ATXN2L: variants seen among roughly 807,000 people sequenced by gnomAD.
ATXN2L encodes ataxin 2 like.
In ATXN2L, 24 loss-of-function variants were observed where a neutral mutation model predicts 120.7. The observed-to-expected ratio is 0.20, with a 90% confidence interval of 0.14 to 0.28. The LOEUF (loss-of-function observed/expected upper bound fraction) is 0.28, where lower values mean the gene tolerates loss of function less well. Among genes scored for constraint, ATXN2L ranks in the 10% least tolerant of loss-of-function variants. The pLI, the probability that ATXN2L is intolerant of heterozygous loss-of-function variation, is 1.00. For synonymous variants in ATXN2L, 653 were observed against 568.1 expected (o/e 1.15, Z -2.13); for missense variants, 1,312 against 1,432.3 (o/e 0.92, Z 1.36).
At chr16:28,829,777 G>T in intron 7 of ATXN2L, 81 bp from the exon 8 acceptor site, 1 of 1,438,188 alleles carries the variant, frequency 7.0e-7, no homozygotes, top group Non-Finnish European at 9.8e-7. Context: ...ACTGGTGATT[G>T]GACTTGTTGA....
intron 1 of ATXN2L, chr16:28,824,147 C>T (rs1023577434): frequency 4.7e-5 from 48 of 1,023,958 alleles, no homozygotes; most frequent in Admixed American, 1.2e-4. Context: ...CGCCCCCTTC[C>T]CGTACGTGCG....
chr16:28,826,754 T>A (rs757815732), intron 5 of ATXN2L, 108 bp from the exon 6 acceptor site: 26 of 1,346,588 alleles, frequency 1.9e-5, no homozygotes, highest in Non-Finnish European at 1.8e-5. Flanking sequence ...TACTCTGGAC[T>A]TCTTAAACTT....
chr16:28,834,489 T>G lies in ATXN2L; in HGVS notation c.2246-17T>G. On this transcript the variant is annotated splice_polypyrimidine_tract_variant and intron_variant, in intron 17 of 21. Transcript: ENST00000336783. ...GGCAGGTGGAGCTTGAGCTCTCCTC[T>G]CCTCCTCCTCTTCCAGGCTCCCTTC... 6.2e-7 allele frequency: 1 copy of G among 1,612,052 alleles called. No homozygotes were observed. Among genetic ancestry groups the G allele is most frequent in the Non-Finnish European group, 8.5e-7 (1 of 1,179,258 alleles).
At chr16:28,828,609 G>T (rs62036624) in intron 6 of ATXN2L, among the ~76,000 whole-genome samples, 51,657 of 150,918 alleles carry the variant, frequency 0.34, 9,477 homozygotes, top group Admixed American at 0.41. Flanking sequence ...AAAAAAAATT[G>T]CAGTTATTAA....
rs1168911497 is a variant in ATXN2L at position 28,836,959 on chromosome 16, C to G, written c.*694C>G. 1 of 707,038 alleles carries G rather than the reference C, an allele frequency of 1.4e-6. No individual in the cohort carries two copies. The highest frequency in any genetic ancestry group is 2.3e-5 in the Admixed American group (1 of 43,080). 43.8% of individuals were successfully genotyped at this position (707,038 alleles called of 1,614,324 possible). ...CACAGAGGGCAGGGCCAGGGTCCAG[C>G]AGGGGTGGGGGGTTCCTGCTCTGCC... On this transcript the variant is annotated 3_prime_UTR_variant, in exon 22 of 22. Coordinates refer to ENST00000336783, the MANE Select transcript of ATXN2L (RefSeq NM_007245.4).
chr16:28,836,991 C>A lies in ATXN2L; in HGVS notation c.*726C>A. 1.5e-6 allele frequency: 1 copy of A among 662,308 alleles called. No homozygotes were observed. The highest frequency in any genetic ancestry group is 1.6e-5 in the South Asian group (1 of 62,056). The allele number at this position is 662,308 out of a possible 1,614,324, so 41.0% of individuals were successfully genotyped here. On this transcript the variant is annotated 3_prime_UTR_variant, in exon 22 of 22. Transcript: ENST00000336783. ...GGGGGGTTCCTGCTCTGCCCCTGCC[C>A]GTCCCCACCCAGTCTTGCCCTCCCA...
chr16:28,831,234 G>T (rs549765094), intron 10 of ATXN2L, among the ~76,000 whole-genome samples, 162 bp downstream of exon 10: 27 of 151,662 alleles, frequency 1.8e-4, no homozygotes, highest in Non-Finnish European at 3.1e-4. Context: ...GATTTCCCTA[G>T]TGCAGAAATC....
chr16:28,834,083 C>G lies in ATXN2L; in HGVS notation c.2044C>G (p.Pro682Ala). The G allele has an allele frequency of 6.2e-7, 1 of 1,613,836 alleles. No homozygotes were observed. Among genetic ancestry groups the G allele is most frequent in the South Asian group, 1.1e-5 (1 of 91,036 alleles). ...LLSVNKSTST[P>A]TSPGPRTHST... ...TTTGCAGAATAAATCCACCAGTACC[C>G]CAACTTCTCCGGGGCCCCGGACTCA... The change falls in exon 16 of 22, where the codon CCA becomes GCA. Residue 682 changes from proline to alanine, a missense_variant. Coordinates refer to ENST00000336783, the MANE Select transcript of ATXN2L (RefSeq NM_007245.4).
At chr16:28,835,816 GA>G (rs1960371363) in intron 21 of ATXN2L, 58 bp downstream of exon 21, 4 of 1,605,550 alleles carry the variant, frequency 2.5e-6, no homozygotes, top group Non-Finnish European at 2.6e-6. Context: ...CTGCCATGGG[GA>G]CCATCCCATT....
In ATXN2L at chr16:28,834,527, C is replaced by G. The variant is rs1359651710; in HGVS notation, c.2267C>G (p.Ser756Trp). 2 of 1,610,490 alleles carry G rather than the reference C, an allele frequency of 1.2e-6. No individual in the cohort carries two copies. The highest frequency in any genetic ancestry group is 1.1e-5 in the South Asian group (1 of 90,960). Residue 756 changes from serine to tryptophan, a missense_variant, in exon 18 of 22, where the codon TCG (serine) becomes TGG (tryptophan). By Grantham distance (177) the Ser-to-Trp change is radical. Transcript: ENST00000336783. ...GAKGSLPPQR[S>W]DQHQPASAPP... ...CCAGGCTCCCTTCCTCCGCAGCGCTCGGACCAACACCAGCCAGCCTCAGCC... is the reference window on the plus strand; with the variant it reads ...CCAGGCTCCCTTCCTCCGCAGCGCTGGGACCAACACCAGCCAGCCTCAGCC...
At position 28,836,966 on chromosome 16, in the gene ATXN2L, G is replaced by T. The variant is rs755909795; in HGVS notation, c.*701G>T. 3.9e-5 allele frequency: 27 copies of T among 687,226 alleles called. No individual in the cohort carries two copies. The highest frequency in any genetic ancestry group is 6.6e-5 in the Non-Finnish European group (26 of 392,468). The allele number at this position is 687,226 out of a possible 1,614,324, so 42.6% of individuals were successfully genotyped here. On this transcript the variant is annotated 3_prime_UTR_variant, in exon 22 of 22. Coordinates refer to ENST00000336783, the MANE Select transcript of ATXN2L (RefSeq NM_007245.4). Reference sequence around the variant, plus strand: ...GGCAGGGCCAGGGTCCAGCAGGGGTGGGGGGTTCCTGCTCTGCCCCTGCCC... The same window carrying T: ...GGCAGGGCCAGGGTCCAGCAGGGGTTGGGGGTTCCTGCTCTGCCCCTGCCC...
rs2053539382 is a variant in ATXN2L at position 28,829,397 on chromosome 16, C to T, written c.742-4C>T. The stretch of plus-strand genomic sequence containing the variant: ...GTTTTAAAACCACCTTCCTCCCTCC[C>T]CAGTCCAATGGATGGGACCCCAATG... On this transcript the variant is annotated splice_polypyrimidine_tract_variant and splice_region_variant and intron_variant, in intron 6 of 21. Transcript: ENST00000336783. 2 of 1,606,584 alleles carry T rather than the reference C, an allele frequency of 1.2e-6. No individual in the cohort carries two copies. The highest frequency in any genetic ancestry group is 2.7e-5 in the African/African-American group (2 of 74,742).
At chr16:28,829,022 C>T (rs780633519) in intron 6 of ATXN2L, among the ~76,000 whole-genome samples, 2 of 152,156 alleles carry the variant, frequency 1.3e-5, no homozygotes, top group East Asian at 3.8e-4. Flanking sequence ...TGAGCCACCA[C>T]GCCCAGCTAG....
At chr16:28,834,940 G>C in intron 18 of ATXN2L, 118 bp from the exon 19 acceptor site, 1 of 1,375,216 alleles carries the variant, frequency 7.3e-7, no homozygotes, top group South Asian at 1.4e-5. Flanking sequence ...CGTTATGAAT[G>C]TTGAATCAAT....
intron 5 of ATXN2L, 52 bp from the exon 6 acceptor site, chr16:28,826,810 A>G (rs1345532598): frequency 4.0e-6 from 6 of 1,490,180 alleles, no homozygotes; most frequent in Non-Finnish European, 5.4e-6. Flanking sequence ...GATATTGGAA[A>G]GAAGTCTGTG....
In ATXN2L at chr16:28,826,893, C is replaced by T; in HGVS notation, c.648C>T (p.Asn216=). 2 of 1,597,532 alleles carry T rather than the reference C, an allele frequency of 1.3e-6. No homozygotes were observed. Among genetic ancestry groups the T allele is most frequent in the Non-Finnish European group, 1.7e-6 (2 of 1,169,382 alleles). The stretch of plus-strand genomic sequence containing the variant: ...TCACCGATTCAGCCATTGCCATGAA[C>T]TCGAAAGTGAATGGGGAACACAAAG... ...DKFTDSAIAM[N]SKVNGEHKEK... is the part of the protein sequence containing the mutation. Residue 216 remains asparagine, a synonymous_variant, in exon 6 of 22, where the codon AAC becomes AAT. Transcript: ENST00000336783.
chr16:28,835,883 T>C, intron 21 of ATXN2L, 50 bp from the exon 22 acceptor site: 2 of 1,565,914 alleles, frequency 1.3e-6, no homozygotes, highest in Non-Finnish European at 1.7e-6. Flanking sequence ...GCTCTCAGAG[T>C]CTGTTTCAGG....
Position 28,833,041 on chromosome 16 carries a change from T to G in ATXN2L, c.1660-18T>G. On this transcript the variant is annotated intron_variant, in intron 13 of 21. Transcript: ENST00000336783. ...AGGGTCTGGGTCAGACTGGACTGTG[T>G]GTGTTTCTCTCTTCCAGCTTCAGCC... 1.9e-6 allele frequency: 3 copies of G among 1,611,812 alleles called. No homozygotes were observed. In the South Asian group the frequency reaches 3.3e-5, roughly 18 times the overall value.
At position 28,823,493 on chromosome 16, in the gene ATXN2L, GC is replaced by G; in HGVS notation, c.236del (p.Pro79ArgfsTer59). 1 of 1,380,090 alleles carries G rather than the reference GC, an allele frequency of 7.2e-7. No homozygotes were observed. Among genetic ancestry groups the G allele is most frequent in the Non-Finnish European group, 9.3e-7 (1 of 1,069,612 alleles). 85.5% of individuals were successfully genotyped at this position (1,380,090 alleles called of 1,614,324 possible). On this transcript the variant is annotated frameshift_variant, in exon 1 of 22. Transcript: ENST00000336783. LOFTEE classifies it high-confidence loss of function. ...GCCGGGGAGCCGAAGGCATCTTGGC[GC>G]CGCAGCCGCCGCCGCCGCAGCAACA... ...LRRGAEGILA[P>X]QPPPPQQHQE...
Sources: gnomAD v4.1 joint callset for allele counts (sites outside exome capture counted in the v4.1 genomes callset) on GRCh38, gnomAD v4.1.1 for gene constraint, MANE v1.5 for transcripts, NCBI Gene and HGNC (gene_info 2026-07-23, HGNC 2026-07-21) for gene names.